KCNQ1OT1: variants seen among roughly 807,000 people sequenced by gnomAD.
The protein encoded by KCNQ1OT1 is KCNQ1 opposite strand/antisense transcript 1.
chr11:2,614,449 T>C, exon 1 of KCNQ1OT1: 1 of 398,534 alleles, frequency 2.5e-6, no homozygotes, highest in Non-Finnish European at 4.4e-6. Context: ...TTTCTAAGAA[T>C]TTATTTCCAA....
At chr11:2,633,820 T>C (rs899305699) in exon 1 of KCNQ1OT1, 2 of 398,648 alleles carry the variant, frequency 5.0e-6, no homozygotes, top group African/African-American at 2.1e-5. Context: ...CCAAAAGCCA[T>C]GTATATTCAA....
exon 1 of KCNQ1OT1, chr11:2,680,497 A>T (rs978705466): frequency 2.0e-5 from 8 of 398,320 alleles, no homozygotes; most frequent in Non-Finnish European, 3.5e-5. Context: ...GGCATTTTTT[A>T]AAATAAATTT....
At chr11:2,648,136 C>T in exon 1 of KCNQ1OT1, 1 of 363,026 alleles carries the variant, frequency 2.8e-6, no homozygotes. Flanking sequence ...GCCCAGGAAG[C>T]AGAGGTTACA....
At chr11:2,696,450 C>T (rs463924) in exon 1 of KCNQ1OT1, 149,650 of 398,410 alleles carry the variant, frequency 0.38, 32,246 homozygotes, top group East Asian at 0.83. Flanking sequence ...GCCTCTGTCA[C>T]CACACCGCTC....
rs1849163783 is a variant in KCNQ1OT1 at position 2,621,072 on chromosome 11, G to GC, written n.78922_78923insG. On this transcript the variant is annotated non_coding_transcript_exon_variant, in exon 1 of 1. Transcript: ENST00000597346. The surrounding 1 kb of genome is among the most constrained non-coding windows in gnomAD (Gnocchi z 5.7). ...GGCTCACTGCAACCTCCACCTCCTG[G>GC]GTTCAAGCAATTCTCCTGTCTCAGA... 1 of 396,988 alleles carries GC rather than the reference G, an allele frequency of 2.5e-6. No homozygotes were observed. The highest frequency in any genetic ancestry group is 4.4e-6 in the Non-Finnish European group (1 of 225,792). 24.6% of individuals were successfully genotyped at this position (396,988 alleles called of 1,614,324 possible).
exon 1 of KCNQ1OT1, chr11:2,662,298 T>G (rs1471381578): frequency 4.9e-6 from 3 of 606,804 alleles, no homozygotes; most frequent in African/African-American, 3.7e-5. Context: ...TCCTCTTGTT[T>G]TGACTTATGG....
At chr11:2,655,604 G>A in exon 1 of KCNQ1OT1, 4 of 398,694 alleles carry the variant, frequency 1.0e-5, no homozygotes, top group Non-Finnish European at 1.3e-5. Flanking sequence ...AGACCTGTTA[G>A]GGCACAGCAC....
exon 1 of KCNQ1OT1, chr11:2,649,343 C>T: frequency 2.3e-5 from 9 of 397,988 alleles, no homozygotes; most frequent in Non-Finnish European, 4.0e-5. Flanking sequence ...TCTTTTATTC[C>T]TTTTCCTTTC....
At chr11:2,688,728 G>T (rs756546492) in exon 1 of KCNQ1OT1, 4 of 398,844 alleles carry the variant, frequency 1.0e-5, no homozygotes. Flanking sequence ...TGGGTGGCCC[G>T]GCTCTGAGCT....
Position 2,652,703 on chromosome 11 carries a change from T to G in KCNQ1OT1, n.47292A>C, listed in dbSNP as rs1315279668. 1.0e-5 allele frequency: 4 copies of G among 398,756 alleles called. No homozygotes were observed. Among genetic ancestry groups the G allele is most frequent in the Non-Finnish European group, 1.8e-5 (4 of 226,316 alleles). 24.7% of individuals were successfully genotyped at this position (398,756 alleles called of 1,614,324 possible). A position where few individuals can be genotyped will look rare whatever the true frequency, so the allele number is the denominator to read the frequency against. ...TGTGTGGGTGGCTGTGTTGCTCTCT[T>G]TCCGTTTCCTGGGCTCACTCACGCT... On this transcript the variant is annotated non_coding_transcript_exon_variant, in exon 1 of 1. Coordinates refer to ENST00000597346, the Ensembl canonical transcript of KCNQ1OT1. This position sits in a 1 kb window ranked among gnomAD's most constrained non-coding sequence, Gnocchi z 5.9.
chr11:2,609,088 T>C (rs1015992038), exon 1 of KCNQ1OT1: 11 of 398,322 alleles, frequency 2.8e-5, no homozygotes. Flanking sequence ...AGTTTGCTCT[T>C]CTTTTTCTAG....
Position 2,659,673 on chromosome 11 carries a change from A to G in KCNQ1OT1, n.40322T>C. 2.5e-6 allele frequency: 1 copy of G among 398,508 alleles called. No individual in the cohort carries two copies. Among genetic ancestry groups the G allele is most frequent in the Non-Finnish European group, 4.4e-6 (1 of 226,014 alleles). The allele number at this position is 398,508 out of a possible 1,614,324, so 24.7% of individuals were successfully genotyped here. ...GTTTAACTTAATAAGAAATTGCTAA[A>G]CTATTTCCTAAAGTCACTGTGCCAT... On this transcript the variant is annotated non_coding_transcript_exon_variant, in exon 1 of 1. Coordinates refer to ENST00000597346, the Ensembl canonical transcript of KCNQ1OT1. The surrounding 1 kb of genome is among the most constrained non-coding windows in gnomAD (Gnocchi z 4.3).
chr11:2,693,257 C>T, exon 1 of KCNQ1OT1: 1 of 398,742 alleles, frequency 2.5e-6, no homozygotes. Flanking sequence ...GTACAGCTAC[C>T]AGGCTTAACA....
In KCNQ1OT1 at chr11:2,623,524, G is replaced by A. The variant is rs749535208; in HGVS notation, n.76471C>T. On this transcript the variant is annotated non_coding_transcript_exon_variant, in exon 1 of 1. Transcript: ENST00000597346. The surrounding 1 kb of genome is among the most constrained non-coding windows in gnomAD (Gnocchi z 5.2). ...CAATATGATTGGAATCATACAGTAT[G>A]TAGTTTCTTCAGATTGCCTTATTTC... is the stretch of plus-strand genomic sequence containing the variant. The A allele has an allele frequency of 2.5e-6, 1 of 398,512 alleles. No homozygotes were observed. The highest frequency in any genetic ancestry group is 4.4e-6 in the Non-Finnish European group (1 of 226,048). 24.7% of individuals were successfully genotyped at this position (398,512 alleles called of 1,614,324 possible).
rs540644673 is a variant in KCNQ1OT1, at chr11:2,658,223, C to T, written n.41772G>A. On this transcript the variant is annotated non_coding_transcript_exon_variant, in exon 1 of 1. Transcript: ENST00000597346. The surrounding 1 kb of genome is among the most constrained non-coding windows in gnomAD (Gnocchi z 4.9). Reference sequence around the variant, plus strand: ...CTAATTTCAGCATTCATTCATGGATCGTTTTCCTGCAGCAAATATTACCGT... The same window carrying T: ...CTAATTTCAGCATTCATTCATGGATTGTTTTCCTGCAGCAAATATTACCGT... The T allele has an allele frequency of 1.8e-5, 7 of 398,544 alleles. No individual in the cohort carries two copies. The highest frequency in any genetic ancestry group is 1.3e-4 in the South Asian group (1 of 7,826). The allele number at this position is 398,544 out of a possible 1,614,324, so 24.7% of individuals were successfully genotyped here. A position where few individuals can be genotyped will look rare whatever the true frequency, so the allele number is the denominator to read the frequency against.
exon 1 of KCNQ1OT1, chr11:2,697,641 TC>T (rs1850700904): frequency 2.5e-6 from 1 of 398,642 alleles, no homozygotes; most frequent in Admixed American, 4.4e-5. Context: ...ATATGGTTTT[TC>T]TCCTGTAGCC....
exon 1 of KCNQ1OT1, chr11:2,648,202 C>T: frequency 8.0e-6 from 1 of 125,712 alleles, no homozygotes; most frequent in Non-Finnish European, 1.5e-5. Context: ...GAGACCGTGT[C>T]TCGGGGGGTG....
exon 1 of KCNQ1OT1, chr11:2,614,039 G>C: frequency 2.5e-6 from 1 of 398,538 alleles, no homozygotes; most frequent in South Asian, 1.3e-4. Context: ...TAGTGTGACT[G>C]TGCTATAACC....
At chr11:2,648,948 T>C (rs1486178627) in exon 1 of KCNQ1OT1, 1 of 397,836 alleles carries the variant, frequency 2.5e-6, no homozygotes, top group Non-Finnish European at 4.4e-6. Flanking sequence ...TTTATAATTA[T>C]ATAATGACCT....
Sources: allele counts gnomAD v4.1 joint callset, GRCh38; gene constraint gnomAD v4.1.1; non-coding constraint Gnocchi (gnomAD v3.1); transcripts MANE v1.5; gene names NCBI Gene and HGNC (gene_info 2026-07-23, HGNC 2026-07-21).